Variants in PSMD12 observed in about 807,000 individuals in gnomAD.
PSMD12 encodes the protein proteasome 26S subunit, non-ATPase 12.
Under a neutral mutation model 62.9 loss-of-function variants are expected in PSMD12, and 8 were observed. That is an observed-to-expected ratio of 0.13 (90% CI 0.07 to 0.23). The LOEUF (loss-of-function observed/expected upper bound fraction) is 0.23, where lower values mean the gene tolerates loss of function less well. PSMD12 is among the 10% of genes least tolerant of loss of function. The pLI is 1.00. For synonymous variants in PSMD12, 173 were observed against 187.4 expected, an observed-to-expected ratio of 0.92 and a Z score of 0.63; for missense variants, 424 against 550.2, an observed-to-expected ratio of 0.77 and a Z score of 2.29.
chr17:67,352,310 A>C (rs2042026361), intron 3 of PSMD12, among the ~76,000 whole-genome samples: 1 of 152,076 alleles, frequency 6.6e-6, no homozygotes, highest in Non-Finnish European at 1.5e-5. Flanking sequence ...CTTCATGCCC[A>C]TGTGCACCTA....
intron 1 of PSMD12, 39 bp downstream of exon 1, chr17:67,366,373 C>T: frequency 1.3e-6 from 2 of 1,572,424 alleles, no homozygotes; most frequent in Non-Finnish European, 1.7e-6. Context: ...CGTGACTCAG[C>T]CCCTGGCGCC....
intron 1 of PSMD12, among the ~76,000 whole-genome samples, chr17:67,362,413 G>T (rs563394515): frequency 6.6e-6 from 1 of 152,092 alleles, no homozygotes; most frequent in Admixed American, 6.5e-5. Context: ...GGTGGCTCAC[G>T]CCTGTAATCC....
chr17:67,345,636 C>G (rs889126624), intron 8 of PSMD12, 109 bp downstream of exon 8: 6 of 864,986 alleles, frequency 6.9e-6, no homozygotes, highest in Non-Finnish European at 1.1e-5. Context: ...TAGTAAAACT[C>G]CATCTCAAAA....
intron 1 of PSMD12, among the ~76,000 whole-genome samples, 186 bp from the exon 2 acceptor site, chr17:67,357,764 C>G (rs2042089227): frequency 6.6e-6 from 1 of 152,198 alleles, no homozygotes. Flanking sequence ...TGGGTTCCAT[C>G]AGTCAGTGGT....
intron 7 of PSMD12, 53 bp from the exon 8 acceptor site, chr17:67,345,910 T>C: frequency 6.9e-7 from 1 of 1,449,538 alleles, no homozygotes; most frequent in Admixed American, 1.8e-5. Flanking sequence ...ATGGAAACTT[T>C]GACAAAAACT....
intron 10 of PSMD12, 72 bp from the exon 11 acceptor site, chr17:67,341,124 A>G: frequency 8.4e-7 from 1 of 1,187,460 alleles, no homozygotes; most frequent in Non-Finnish European, 1.2e-6. Flanking sequence ...TCAGAAAAGC[A>G]TTTTCTGAAC....
At position 67,357,389 on chromosome 17, in the gene PSMD12, C is replaced by A. The variant is rs1332334979; in HGVS notation, c.211G>T (p.Val71Leu). 5.0e-6 allele frequency: 8 copies of A among 1,613,504 alleles called. No individual in the cohort carries two copies. In the Admixed American group the frequency reaches 1.2e-4, roughly 24 times the overall value. ...VSTSRILVAV[V>L]KMCYEAKEWD... is the part of the protein sequence containing the mutation. ...TCTTTAGCCTCATAGCACATCTTCA[C>A]TACTGCAACTAAGATACGGGATGTC... Residue 71 changes from valine to leucine, a missense_variant, in exon 3 of 11, where the codon GTG becomes TTG. Physicochemically the swap from Val to Leu is conservative, Grantham distance 32. Coordinates refer to ENST00000356126, the MANE Select transcript of PSMD12 (RefSeq NM_002816.5).
chr17:67,346,489 C>T (rs899677615), intron 7 of PSMD12, among the ~76,000 whole-genome samples: 6 of 151,752 alleles, frequency 4.0e-5, no homozygotes, highest in African/African-American at 1.5e-4. Context: ...CACTTGAATC[C>T]GGGAGGCGGA....
intron 4 of PSMD12, among the ~76,000 whole-genome samples, chr17:67,349,884 TTTG>T (rs375849255): frequency 1.6e-3 from 243 of 152,340 alleles, no homozygotes; most frequent in African/African-American, 5.6e-3. Context: ...CATTTCTTAC[TTTG>T]TTATCTTTGA....
chr17:67,340,773 A>G lies in PSMD12; in HGVS notation c.*70T>C. 7.9e-7 allele frequency: 1 copy of G among 1,272,996 alleles called. No individual in the cohort carries two copies. Among genetic ancestry groups the G allele is most frequent in the Non-Finnish European group, 1.1e-6 (1 of 936,042 alleles). The allele number at this position is 1,272,996 out of a possible 1,614,324, so 78.9% of individuals were successfully genotyped here. On this transcript the variant is annotated 3_prime_UTR_variant, in exon 11 of 11. Transcript: ENST00000356126. ...AGAAGCTTAGAAAAAAAACCCCAAC[A>G]TATACACCATTATAACAGTCTTTTT... is the stretch of plus-strand genomic sequence containing the variant.
In PSMD12 at chr17:67,356,666, TAAATA is replaced by T. The variant is rs996066432; in HGVS notation, c.297+632_297+636del. On this transcript the variant is annotated intron_variant, in intron 3 of 10. Transcript: ENST00000356126. ...ATGTGCTTAATAAAAGGGATATGAC[TAAATA>T]AAATGAGAATATCAGCTTGATAAAT... 4.1e-5 allele frequency among the ~76,000 whole-genome samples: 6 copies of T among 145,364 alleles called. No individual in the cohort carries two copies. In the Admixed American group the frequency reaches 4.2e-4, roughly 10 times the overall value.
At chr17:67,355,896 G>A (rs892688160) in intron 3 of PSMD12, among the ~76,000 whole-genome samples, 6 of 152,008 alleles carry the variant, frequency 3.9e-5, no homozygotes, top group Non-Finnish European at 7.4e-5. Context: ...GGGAGGCTGA[G>A]GTGGGAGGAT....
chr17:67,361,274 G>C (rs1455280464), intron 1 of PSMD12: 2 of 152,138 alleles, frequency 1.3e-5, no homozygotes, highest in East Asian at 3.8e-4. Context: ...AAATAAGAAA[G>C]AAAAAGGCTA....
intron 3 of PSMD12, among the ~76,000 whole-genome samples, chr17:67,356,516 CCACTG>C (rs1389974264): frequency 8.2e-6 from 1 of 121,232 alleles, no homozygotes; most frequent in African/African-American, 3.1e-5. Context: ...CGAGATCGCG[CCACTG>C]CACTCCAGCC....
rs2042163372 is a variant in PSMD12 at position 67,364,700 on chromosome 17, T to C, written c.108+1712A>G. 2.0e-5 allele frequency among the ~76,000 whole-genome samples: 3 copies of C among 152,358 alleles called. No individual in the cohort carries two copies. In the South Asian group the frequency reaches 6.2e-4, roughly 32 times the overall value. On this transcript the variant is annotated intron_variant, in intron 1 of 10. Coordinates refer to ENST00000356126, the MANE Select transcript of PSMD12 (RefSeq NM_002816.5). ...TTTGTTCTAGCTACATTGTATTGGC[T>C]CAAATAGTATTTTAATATGACAGAT...
chr17:67,358,403 C>A (rs2042096881), intron 1 of PSMD12, among the ~76,000 whole-genome samples: 1 of 150,818 alleles, frequency 6.6e-6, no homozygotes, highest in Non-Finnish European at 1.5e-5. Context: ...CCTGTCTCTA[C>A]AAAAAAATAC....
At chr17:67,357,842 A>T (rs1223910586) in intron 1 of PSMD12, among the ~76,000 whole-genome samples, 1 of 152,152 alleles carries the variant, frequency 6.6e-6, no homozygotes, top group Non-Finnish European at 1.5e-5. Flanking sequence ...AACATATAAC[A>T]ATCATGTAAC....
chr17:67,357,247 A>C, intron 3 of PSMD12, 56 bp downstream of exon 3: 6 of 1,553,390 alleles, frequency 3.9e-6, no homozygotes, highest in Non-Finnish European at 5.2e-6. Flanking sequence ...GAGCTTGTGA[A>C]AAGTTCTGAA....
chr17:67,344,522 C>A, intron 9 of PSMD12, 84 bp downstream of exon 9: 3 of 1,262,012 alleles, frequency 2.4e-6, no homozygotes, highest in Non-Finnish European at 3.2e-6. Flanking sequence ...ATAGTTTATG[C>A]TCAAAATTGC....
Sources: allele counts gnomAD v4.1 joint callset (sites outside exome capture counted in the v4.1 genomes callset), GRCh38; gene constraint gnomAD v4.1.1; transcripts MANE v1.5; gene names NCBI Gene and HGNC (gene_info 2026-07-23, HGNC 2026-07-21).